SGCZ: variants seen among roughly 807,000 people sequenced by gnomAD.
SGCZ encodes the protein zeta-sarcoglycan.
Under a neutral mutation model 41.3 loss-of-function variants are expected in SGCZ, and 40 were observed. The observed-to-expected ratio is 0.97, with a 90% CI of 0.75 to 1.26. The LOEUF is 1.26. Ranked by LOEUF, SGCZ falls within the 50% of genes most tolerant of loss-of-function variation. SGCZ has a pLI of 0.00. For synonymous variants in SGCZ, 206 were observed against 137.5 expected (o/e 1.50, Z -3.49); for missense variants, 552 against 369.8 (o/e 1.49, Z -4.04).
At chr8:14,246,933 T>G (rs1015433571) in intron 3 of SGCZ, among the ~76,000 whole-genome samples, 4 of 131,122 alleles carry the variant, frequency 3.1e-5, no homozygotes, top group Non-Finnish European at 6.7e-5. Context: ...AAAAAAAAAG[T>G]AAAACTTTTA....
chr8:14,955,947 C>G (rs1585410735), intron 1 of SGCZ, among the ~76,000 whole-genome samples: 1 of 151,388 alleles, frequency 6.6e-6, no homozygotes, highest in Non-Finnish European at 1.5e-5. Flanking sequence ...TAGAGATTCT[C>G]TAAAACTTTA....
chr8:14,447,956 C>T (rs1012204543), intron 2 of SGCZ, among the ~76,000 whole-genome samples: 1 of 152,146 alleles, frequency 6.6e-6, no homozygotes, highest in Non-Finnish European at 1.5e-5. Flanking sequence ...CCATCTCAAG[C>T]TCTAAGAGCC....
At chr8:15,202,077 A>G (rs1563181278) in intron 1 of SGCZ, among the ~76,000 whole-genome samples, 1 of 152,198 alleles carries the variant, frequency 6.6e-6, no homozygotes, top group Non-Finnish European at 1.5e-5. Context: ...GATCAGAAAA[A>G]CAGTATTCCA....
At chr8:14,743,619 G>T (rs1283048585) in intron 1 of SGCZ, among the ~76,000 whole-genome samples, 2 of 151,920 alleles carry the variant, frequency 1.3e-5, no homozygotes, top group Non-Finnish European at 2.9e-5. Flanking sequence ...ATAATTTAAT[G>T]CAATAAAATT....
chr8:14,848,436 C>A (rs1257319704), intron 1 of SGCZ, among the ~76,000 whole-genome samples: 1 of 152,156 alleles, frequency 6.6e-6, no homozygotes, highest in African/African-American at 2.4e-5. Flanking sequence ...AGGATTAACA[C>A]TATCTCATTT....
intron 1 of SGCZ, among the ~76,000 whole-genome samples, chr8:14,972,421 A>G (rs1801331040): frequency 6.6e-6 from 1 of 152,206 alleles, no homozygotes; most frequent in African/African-American, 2.4e-5. Context: ...TGTTTCTTGT[A>G]GGCAGCATGG....
rs997136600 is a variant in SGCZ at position 14,424,597 on chromosome 8, T to A, written c.235-100393A>T. Among the ~76,000 whole-genome samples, 16 of 150,800 alleles carry A rather than the reference T, an allele frequency of 1.1e-4. 3 individuals carry two copies. The highest frequency in any genetic ancestry group is 9.9e-4 in the Admixed American group (15 of 15,136). On this transcript the variant is annotated intron_variant, in intron 2 of 7. Transcript: ENST00000382080. ...ACTACTATATCATCTATAATTCATA[T>A]ATTTTTTACTTAACAGCTTTTGTTG...
chr8:14,773,967 T>A (rs1037817548), intron 1 of SGCZ, among the ~76,000 whole-genome samples: 1 of 152,178 alleles, frequency 6.6e-6, no homozygotes, highest in Admixed American at 6.5e-5. Context: ...AGTTTTCAAA[T>A]AAGAAAATGA....
intron 1 of SGCZ, among the ~76,000 whole-genome samples, chr8:15,196,622 T>TTTTATTTA (rs72496763): frequency 6.6e-6 from 1 of 151,258 alleles, no homozygotes; most frequent in South Asian, 2.1e-4. Context: ...GTAAAATTTC[T>TTTTATTTA]TTTATTTATT....
chr8:15,061,539 A>AAAAG (rs1804932923), intron 1 of SGCZ, among the ~76,000 whole-genome samples: 1 of 151,532 alleles, frequency 6.6e-6, no homozygotes, highest in Non-Finnish European at 1.5e-5. Flanking sequence ...ATAAAAAAAA[A>AAAAG]AAACAGGAAA....
rs193100166 is a variant in SGCZ, at chr8:14,554,685, G to A, written c.234+47C>T. On this transcript the variant is annotated intron_variant, in intron 2 of 7. Coordinates refer to ENST00000382080, the MANE Select transcript of SGCZ (RefSeq NM_139167.4). ...AAAATTAAAGTAACAGAGCTAGATTGTCTCTGAACCAAGAGCAATAAGATG... is the reference window on the plus strand; with the variant it reads ...AAAATTAAAGTAACAGAGCTAGATTATCTCTGAACCAAGAGCAATAAGATG... 64 of 1,498,080 alleles carry A rather than the reference G, an allele frequency of 4.3e-5. No individual in the cohort carries two copies. The African/African-American group carries it at 5.8e-4, about 14-fold the overall frequency. The allele number at this position is 1,498,080 out of a possible 1,614,324, so 92.8% of individuals were successfully genotyped here.
At chr8:14,745,344 T>C (rs1453283591) in intron 1 of SGCZ, among the ~76,000 whole-genome samples, 1 of 152,166 alleles carries the variant, frequency 6.6e-6, no homozygotes. Flanking sequence ...CTAAGTCTTT[T>C]GGAAGCTAGA....
chr8:14,257,552 A>C (rs1799510444), intron 3 of SGCZ, among the ~76,000 whole-genome samples: 1 of 151,938 alleles, frequency 6.6e-6, no homozygotes, highest in South Asian at 2.1e-4. Flanking sequence ...TTACATATGT[A>C]TACATGTGCC....
At chr8:14,902,765 A>C (rs1799009348) in intron 1 of SGCZ, among the ~76,000 whole-genome samples, 2 of 152,140 alleles carry the variant, frequency 1.3e-5, no homozygotes, top group South Asian at 4.1e-4. Context: ...CAAATATTCG[A>C]GTTTACTGGG....
At chr8:14,758,645 G>A (rs1303352751) in intron 1 of SGCZ, among the ~76,000 whole-genome samples, 1 of 152,172 alleles carries the variant, frequency 6.6e-6, no homozygotes, top group South Asian at 2.1e-4. Flanking sequence ...TTGGTGCACA[G>A]TCAAATAATA....
intron 1 of SGCZ, among the ~76,000 whole-genome samples, chr8:14,696,386 G>A (rs141313546): frequency 1.3e-5 from 2 of 152,016 alleles, no homozygotes; most frequent in African/African-American, 2.4e-5. Context: ...ATGGCAGAGC[G>A]AAAGCCCACT....
intron 3 of SGCZ, among the ~76,000 whole-genome samples, chr8:14,250,425 T>A (rs1008183435): frequency 6.6e-6 from 1 of 152,142 alleles, no homozygotes; most frequent in Non-Finnish European, 1.5e-5. Flanking sequence ...CATTTTCTAA[T>A]CTTTTTTATA....
In SGCZ at chr8:14,344,554, C is replaced by A. The variant is rs554854622; in HGVS notation, c.235-20350G>T. 5.4e-4 allele frequency among the ~76,000 whole-genome samples: 82 copies of A among 151,892 alleles called. 1 individual carries two copies. Among genetic ancestry groups the A allele is most frequent in the South Asian group, 1.7e-3 (8 of 4,816 alleles). ...TTAACGACCAACCTACACCTTATAA[C>A]AAATAAAAGTAAATCTCTACACAAT... is the stretch of plus-strand genomic sequence containing the variant. On this transcript the variant is annotated intron_variant, in intron 2 of 7. Coordinates refer to ENST00000382080, the MANE Select transcript of SGCZ (RefSeq NM_139167.4).
At chr8:14,979,754 G>C (rs1042238122) in intron 1 of SGCZ, among the ~76,000 whole-genome samples, 4 of 152,268 alleles carry the variant, frequency 2.6e-5, no homozygotes, top group South Asian at 2.1e-4. Context: ...TGTTAGACTG[G>C]TTATTAGGAT....
Sources: allele counts gnomAD v4.1 joint callset (sites outside exome capture counted in the v4.1 genomes callset), GRCh38; gene constraint gnomAD v4.1.1; transcripts MANE v1.5; gene names NCBI Gene and HGNC (gene_info 2026-07-23, HGNC 2026-07-21).